Variants in KDM4C observed in about 807,000 individuals in gnomAD.
The protein encoded by KDM4C is lysine demethylase 4C, also known as lysine-specific demethylase 4C.
A neutral mutation model predicts 129.3 loss-of-function variants in KDM4C; 81 were observed. The ratio of observed to expected loss-of-function variants is 0.63; its 90% CI spans 0.52 to 0.75. The LOEUF (loss-of-function observed/expected upper bound fraction) is 0.75, where lower values mean the gene tolerates loss of function less well. Ranked by LOEUF, KDM4C falls within the 30% of genes least tolerant of loss-of-function variation. The pLI is 0.00. For missense variants in KDM4C, 1,457 were observed against 1,304.0 expected (o/e 1.12, Z -1.81); for synonymous variants, 573 against 456.1 (o/e 1.26, Z -3.26).
Position 7,121,795 on chromosome 9 carries a change from T to A in KDM4C, c.2611-6271T>A, listed in dbSNP as rs60578178. ...ATCTAGAACAATACCTTCCATTCAA[T>A]CAATGGAAGGCTTAAAAAAAAAAAA... On this transcript the variant is annotated intron_variant, in intron 18 of 21. Transcript: ENST00000381309. 2.0e-3 allele frequency among the ~76,000 whole-genome samples: 300 copies of A among 151,614 alleles called. 2 individuals carry two copies. The highest frequency in any genetic ancestry group is 6.0e-3 in the African/African-American group (249 of 41,320).
chr9:6,886,860 C>T (rs1367008097), intron 6 of KDM4C, among the ~76,000 whole-genome samples: 1 of 152,086 alleles, frequency 6.6e-6, no homozygotes, highest in African/African-American at 2.4e-5. Context: ...TCAAGTGATC[C>T]ACCTGCCTTG....
At chr9:6,875,594 G>A (rs1257180425) in intron 5 of KDM4C, among the ~76,000 whole-genome samples, 1 of 152,172 alleles carries the variant, frequency 6.6e-6, no homozygotes, top group East Asian at 1.9e-4. Flanking sequence ...CATCTCTAGT[G>A]GCGATAACTT....
intron 15 of KDM4C, among the ~76,000 whole-genome samples, chr9:7,030,926 G>C (rs1039773758): frequency 2.6e-5 from 4 of 151,840 alleles, no homozygotes; most frequent in Admixed American, 2.6e-4. Context: ...GCATAAACTA[G>C]GTAATTATGC....
chr9:7,136,241 A>G (rs764706758), intron 19 of KDM4C, among the ~76,000 whole-genome samples: 5 of 152,210 alleles, frequency 3.3e-5, no homozygotes, highest in Non-Finnish European at 5.9e-5. Flanking sequence ...GTTGATGGAC[A>G]TTTGGATTAT....
intron 4 of KDM4C, among the ~76,000 whole-genome samples, chr9:6,821,712 C>G (rs1438328557): frequency 2.0e-5 from 3 of 151,554 alleles, no homozygotes; most frequent in African/African-American, 4.9e-5. Context: ...GTGGCGCGGT[C>G]TCAACCTTCA....
intron 17 of KDM4C, among the ~76,000 whole-genome samples, chr9:7,094,183 A>T (rs1351629173): frequency 2.0e-5 from 3 of 152,198 alleles, no homozygotes; most frequent in Non-Finnish European, 2.9e-5. Flanking sequence ...CTTGTCCTCA[A>T]AGGAAGTCGG....
intron 17 of KDM4C, among the ~76,000 whole-genome samples, chr9:7,086,384 A>C (rs1009355450): frequency 6.6e-6 from 1 of 152,230 alleles, no homozygotes; most frequent in Non-Finnish European, 1.5e-5. Context: ...TTGAGTAAAT[A>C]TGCCGTCTGT....
At chr9:6,776,910 A>G (rs1252408177) in intron 1 of KDM4C, among the ~76,000 whole-genome samples, 4 of 152,030 alleles carry the variant, frequency 2.6e-5, no homozygotes, top group African/African-American at 9.7e-5. Flanking sequence ...CCTCAATCCC[A>G]CCTTTTAAAG....
At chr9:7,136,415 C>G (rs185822867) in intron 19 of KDM4C, among the ~76,000 whole-genome samples, 3 of 152,196 alleles carry the variant, frequency 2.0e-5, no homozygotes, top group African/African-American at 7.2e-5. Flanking sequence ...AAACTGTTTT[C>G]CAAAGTGGCT....
At chr9:6,744,640 CCTT>C (rs1439575332) in intron 1 of KDM4C, among the ~76,000 whole-genome samples, 1 of 152,224 alleles carries the variant, frequency 6.6e-6, no homozygotes, top group East Asian at 1.9e-4. Flanking sequence ...AAGCAATCCT[CCTT>C]CTTGGCCTCC....
Position 6,887,940 on chromosome 9 carries a change from C to T in KDM4C, c.680-20C>T, listed in dbSNP as rs1448106869. The T allele has an allele frequency of 1.4e-5, 20 of 1,427,826 alleles. No individual in the cohort carries two copies. The highest frequency in any genetic ancestry group is 1.7e-5 in the Non-Finnish European group (17 of 1,010,770). 88.4% of individuals were successfully genotyped at this position (1,427,826 alleles called of 1,614,324 possible). ...CTCTTAATCGACACAGTGCCACTTA[C>T]ATTTATTGTTTCTTTTTAGGTTTTT... On this transcript the variant is annotated intron_variant, in intron 6 of 21. Coordinates refer to ENST00000381309, the MANE Select transcript of KDM4C (RefSeq NM_015061.6).
At position 6,956,019 on chromosome 9, in the gene KDM4C, T is replaced by G. The variant is rs368192114; in HGVS notation, c.922-24906T>G. Among the ~76,000 whole-genome samples the G allele has an allele frequency of 3.9e-5, 6 of 152,190 alleles. No individual in the cohort carries two copies. In the East Asian group the frequency reaches 5.8e-4, roughly 15 times the overall value. ...TCCTTCAGAAACTGCAGTGTGCACA[T>G]GTTCTCACTTATTTATGAGATCTAA... On this transcript the variant is annotated intron_variant, in intron 8 of 21. Transcript: ENST00000381309.
chr9:6,807,518 G>A (rs1475258508), intron 3 of KDM4C, among the ~76,000 whole-genome samples: 13 of 146,584 alleles, frequency 8.9e-5, no homozygotes, highest in Non-Finnish European at 1.4e-4. Flanking sequence ...GATGTGGGGA[G>A]CGCCTCTGCC....
intron 6 of KDM4C, among the ~76,000 whole-genome samples, chr9:6,884,863 C>G (rs1031986278): frequency 6.6e-6 from 1 of 152,142 alleles, no homozygotes; most frequent in African/African-American, 2.4e-5. Context: ...TTAGCAATAG[C>G]TAATATATTA....
At chr9:7,090,462 C>G (rs963898716) in intron 17 of KDM4C, among the ~76,000 whole-genome samples, 3 of 152,034 alleles carry the variant, frequency 2.0e-5, no homozygotes, top group African/African-American at 7.3e-5. Context: ...TTTCTTTGCA[C>G]TTTTTCCTCT....
rs1263232784 is a variant in KDM4C at position 7,103,692 on chromosome 9, T to C, written c.2432T>C (p.Ile811Thr). The change falls in exon 18 of 22, where the codon ATC (isoleucine) becomes ACC (threonine). Residue 811 changes from isoleucine (I) to threonine (T), a missense_variant. By Grantham distance (89) the Ile-to-Thr change is moderately conservative. Transcript: ENST00000381309. ...TCTGTTTTAACCTTCCAGAAATGCA[T>C]CTTCTGCAGACACCGGGTTAAGAGG... ...IPLQRLKLKC[I>T]FCRHRVKRVS... 6.2e-7 allele frequency: 1 copy of C among 1,607,570 alleles called. No homozygotes were observed. The highest frequency in any genetic ancestry group is 1.1e-5 in the South Asian group (1 of 90,944).
At chr9:6,722,599 T>C (rs1427820162) in intron 1 of KDM4C, among the ~76,000 whole-genome samples, 1 of 151,718 alleles carries the variant, frequency 6.6e-6, no homozygotes, top group Non-Finnish European at 1.5e-5. Context: ...CTGCAACCTC[T>C]GCCTCCCAGG....
intron 5 of KDM4C, among the ~76,000 whole-genome samples, chr9:6,876,232 C>G (rs958560385): frequency 6.6e-6 from 1 of 152,126 alleles, no homozygotes; most frequent in Non-Finnish European, 1.5e-5. Context: ...GCCTTGTAGC[C>G]ATCATTTACC....
chr9:6,945,423 A>T (rs7034789), intron 8 of KDM4C, among the ~76,000 whole-genome samples: 2 of 151,944 alleles, frequency 1.3e-5, no homozygotes, highest in Non-Finnish European at 2.9e-5. Flanking sequence ...AGCATTTAGT[A>T]GTAGCATTGA....
Sources: gnomAD v4.1 joint callset for allele counts (sites outside exome capture counted in the v4.1 genomes callset) on GRCh38, gnomAD v4.1.1 for gene constraint, MANE v1.5 for transcripts, NCBI Gene and HGNC (gene_info 2026-07-23, HGNC 2026-07-21) for gene names.